Variants in SLC23A2 observed in about 807,000 individuals in gnomAD.
SLC23A2 encodes Na(+)/L-ascorbic acid transporter 2.
In SLC23A2, 36 loss-of-function variants were observed where a neutral mutation model predicts 73.3. That is an observed-to-expected ratio of 0.49 (90% CI 0.38 to 0.65). The LOEUF (loss-of-function observed/expected upper bound fraction) is 0.65. Among genes scored for constraint, SLC23A2 ranks in the 30% least tolerant of loss-of-function variants. The pLI, the probability that SLC23A2 is intolerant of heterozygous loss-of-function variation, is 0.00. For synonymous variants in SLC23A2, 343 were observed against 327.3 expected, an observed-to-expected ratio of 1.05 and a Z score of -0.52; for missense variants, 507 against 841.6, an observed-to-expected ratio of 0.60 and a Z score of 4.92.
chr20:4,916,636 C>T (rs1932331379), intron 3 of SLC23A2, among the ~76,000 whole-genome samples: 1 of 152,142 alleles, frequency 6.6e-6, no homozygotes, highest in African/African-American at 2.4e-5. Context: ...TGACACATTC[C>T]ACTCACTACT....
Position 4,855,268 on chromosome 20 carries a change from T to G in SLC23A2, c.*1704A>C, listed in dbSNP as rs1929672291. The G allele has an allele frequency of 6.6e-6, 1 of 152,240 alleles. No homozygotes were observed. The allele number at this position is 152,240 out of a possible 1,614,324, so 9.4% of individuals were successfully genotyped here. On this transcript the variant is annotated 3_prime_UTR_variant, in exon 17 of 17. Transcript: ENST00000338244. ...AGACAGCGCCGCAGCACTGGAGAGC[T>G]GAGCCAGCCTGGGGCCGAGGGGGAC...
At position 4,859,396 on chromosome 20, in the gene SLC23A2, A is replaced by G; in HGVS notation, c.1625-12T>C. 1 of 1,573,752 alleles carries G rather than the reference A, an allele frequency of 6.4e-7. No homozygotes were observed. The highest frequency in any genetic ancestry group is 1.1e-5 in the South Asian group (1 of 90,250). On this transcript the variant is annotated splice_polypyrimidine_tract_variant and intron_variant, in intron 15 of 16. Transcript: ENST00000338244. The stretch of plus-strand genomic sequence containing the variant: ...GATTCCTGTTATCCCTAGAAAGAGA[A>G]CACAGCCATAAACGATCAGTGCCAC...
chr20:4,928,953 C>T lies in SLC23A2; in HGVS notation c.108+3502G>A, dbSNP rs111745875. On this transcript the variant is annotated intron_variant, in intron 3 of 16. Coordinates refer to ENST00000338244, the MANE Select transcript of SLC23A2 (RefSeq NM_005116.6). Reference sequence around the variant, plus strand: ...GCTTAAAAAGACAAACATTTCCGTACGCAAGAAACATGTATGGGCTGGGCA... The same window carrying T: ...GCTTAAAAAGACAAACATTTCCGTATGCAAGAAACATGTATGGGCTGGGCA... Among the ~76,000 whole-genome samples the T allele has an allele frequency of 9.0e-3, 1,377 of 152,190 alleles. 7 individuals are homozygous for T. The highest frequency in any genetic ancestry group is 0.014 in the Non-Finnish European group (951 of 68,012).
At chr20:4,974,966 T>C (rs2087620823) in intron 1 of SLC23A2, among the ~76,000 whole-genome samples, 1 of 152,122 alleles carries the variant, frequency 6.6e-6, no homozygotes, top group African/African-American at 2.4e-5. Context: ...TTTGTATTTT[T>C]AGTAGAGATG....
At chr20:4,986,011 G>A (rs1486916248) in intron 1 of SLC23A2, among the ~76,000 whole-genome samples, 1 of 152,060 alleles carries the variant, frequency 6.6e-6, no homozygotes, top group Admixed American at 6.6e-5. Context: ...TCCCTCTCCC[G>A]CCATGCCCAC....
intron 6 of SLC23A2, among the ~76,000 whole-genome samples, chr20:4,897,875 C>G (rs1223933071): frequency 6.6e-6 from 1 of 152,176 alleles, no homozygotes; most frequent in Admixed American, 6.5e-5. Context: ...CAATAATGCT[C>G]AGCTAGAGAC....
chr20:4,866,255 A>G (rs1351941350), intron 13 of SLC23A2, among the ~76,000 whole-genome samples: 2 of 152,258 alleles, frequency 1.3e-5, no homozygotes, highest in Admixed American at 6.5e-5. Context: ...AAAAGTTTGT[A>G]CATGCTCACC....
intron 2 of SLC23A2, among the ~76,000 whole-genome samples, chr20:4,952,674 G>A (rs757041398): frequency 3.1e-4 from 47 of 152,158 alleles, no homozygotes; most frequent in Admixed American, 1.4e-3. Flanking sequence ...TGTAAACCTG[G>A]TTATAAAACG....
At chr20:4,972,725 A>G (rs911421298) in intron 1 of SLC23A2, among the ~76,000 whole-genome samples, 12 of 152,098 alleles carry the variant, frequency 7.9e-5, no homozygotes, top group African/African-American at 2.9e-4. Context: ...AGCTGGGATT[A>G]CAGGTGCCCG....
chr20:4,930,015 G>C (rs1351007873), intron 3 of SLC23A2, among the ~76,000 whole-genome samples: 1 of 152,096 alleles, frequency 6.6e-6, no homozygotes, highest in Non-Finnish European at 1.5e-5. Context: ...GAGGGAAGAA[G>C]AAGAACGCAA....
At chr20:4,915,636 T>G (rs1932295113) in intron 3 of SLC23A2, among the ~76,000 whole-genome samples, 1 of 152,128 alleles carries the variant, frequency 6.6e-6, no homozygotes, top group African/African-American at 2.4e-5. Flanking sequence ...ATAACCTAGG[T>G]CTGAAGTGGG....
At chr20:4,988,329 TG>T (rs1367867100) in intron 1 of SLC23A2, among the ~76,000 whole-genome samples, 3 of 148,730 alleles carry the variant, frequency 2.0e-5, no homozygotes, top group Non-Finnish European at 3.0e-5. Flanking sequence ...TGACCGTGTG[TG>T]GTGGCTCACG....
chr20:4,955,641 A>G (rs1350582783), intron 2 of SLC23A2, among the ~76,000 whole-genome samples: 1 of 152,032 alleles, frequency 6.6e-6, no homozygotes, highest in Non-Finnish European at 1.5e-5. Flanking sequence ...ATACAAAAAA[A>G]TTAGCCGGGT....
intron 2 of SLC23A2, among the ~76,000 whole-genome samples, chr20:4,935,893 T>C (rs1027835198): frequency 1.3e-5 from 2 of 152,188 alleles, no homozygotes; most frequent in Admixed American, 6.5e-5. Flanking sequence ...TATGTTGCCA[T>C]GCCTTGGTTC....
chr20:4,901,958 G>A (rs1931759181), intron 5 of SLC23A2, among the ~76,000 whole-genome samples: 1 of 150,664 alleles, frequency 6.6e-6, no homozygotes, highest in African/African-American at 2.4e-5. Flanking sequence ...CTTTTCCCTG[G>A]TAATCCATTC....
chr20:4,859,303 T>C lies in SLC23A2; in HGVS notation c.1706A>G (p.Asp569Gly), dbSNP rs1929866882. 6.3e-7 allele frequency: 1 copy of C among 1,599,338 alleles called. No homozygotes were observed. The change falls in exon 16 of 17, where the codon GAT becomes GGT. Residue 569 changes from aspartate to glycine, a missense_variant. Asp to Gly is a moderately conservative substitution (Grantham distance 94). Transcript: ENST00000338244. ...FVGGCVAFILDNTIPGTPEER... is the reference protein window; with the variant it reads ...FVGGCVAFILGNTIPGTPEER... The stretch of plus-strand genomic sequence containing the variant: ...ATACCACGTACCTGGGATGGTGTTA[T>C]CCAGGATAAAAGCCACACAGCCCCC...
intron 8 of SLC23A2, among the ~76,000 whole-genome samples, chr20:4,884,450 G>A (rs1484491124): frequency 1.3e-5 from 2 of 152,234 alleles, no homozygotes; most frequent in African/African-American, 4.8e-5. Flanking sequence ...TCGATGATGA[G>A]CCTCTGTAGC....
At chr20:4,891,997 T>C (rs1931348474) in intron 6 of SLC23A2, among the ~76,000 whole-genome samples, 1 of 152,082 alleles carries the variant, frequency 6.6e-6, no homozygotes. Context: ...CAAGTGATCC[T>C]CCCACTTTGG....
chr20:4,975,911 T>C (rs1330665424), intron 1 of SLC23A2, among the ~76,000 whole-genome samples: 1 of 151,058 alleles, frequency 6.6e-6, no homozygotes, highest in Admixed American at 6.6e-5. Context: ...TGGAGTGCAG[T>C]GGCGCGATCT....
Sources: gnomAD v4.1 joint callset for allele counts (sites outside exome capture counted in the v4.1 genomes callset) on GRCh38, gnomAD v4.1.1 for gene constraint, MANE v1.5 for transcripts, NCBI Gene and HGNC (gene_info 2026-07-23, HGNC 2026-07-21) for gene names.